The following FGF12 variants were observed in gnomAD, a reference collection of about 807,000 sequenced individuals.
The protein encoded by FGF12 is fibroblast growth factor 12B.
Under a neutral mutation model 23.6 loss-of-function variants are expected in FGF12, and 14 were observed. That is an observed-to-expected ratio of 0.59 (90% confidence interval 0.39 to 0.93). The LOEUF is 0.93. Ranked by LOEUF, FGF12 falls within the 40% of genes least tolerant of loss-of-function variation. The pLI is 0.00. For synonymous variants in FGF12, 62 were observed against 77.3 expected, an observed-to-expected ratio of 0.80 and a Z score of 1.04; for missense variants, 175 against 217.8, an observed-to-expected ratio of 0.80 and a Z score of 1.24.
chr3:192,433,417 T>C (rs1238661977), intron 2 of FGF12, among the ~76,000 whole-genome samples: 1 of 152,212 alleles, frequency 6.6e-6, no homozygotes, highest in Non-Finnish European at 1.5e-5. Context: ...TCAAATTACT[T>C]ACCAAGCAAA....
intron 2 of FGF12, among the ~76,000 whole-genome samples, chr3:192,488,224 A>G (rs1723695412): frequency 6.6e-6 from 1 of 152,162 alleles, no homozygotes; most frequent in African/African-American, 2.4e-5. Context: ...TATTGGTTCA[A>G]TACATAATCT....
At chr3:192,155,001 G>A (rs1240274209) in intron 5 of FGF12, among the ~76,000 whole-genome samples, 3 of 145,498 alleles carry the variant, frequency 2.1e-5, no homozygotes, top group Non-Finnish European at 4.6e-5. Context: ...GCCAGGTGTG[G>A]GATATAGTCT....
intron 3 of FGF12, among the ~76,000 whole-genome samples, chr3:192,338,435 C>G (rs1717525517): frequency 6.6e-6 from 1 of 152,178 alleles, no homozygotes; most frequent in Non-Finnish European, 1.5e-5. Flanking sequence ...ATCCTGCAAC[C>G]AGATGTAGGT....
chr3:192,321,012 T>C (rs999303094), intron 4 of FGF12, among the ~76,000 whole-genome samples: 5 of 151,898 alleles, frequency 3.3e-5, no homozygotes, highest in Non-Finnish European at 5.9e-5. Flanking sequence ...ATCAATGAAA[T>C]AAAATGTTGG....
chr3:192,726,751 G>A (rs1377159849), intron 2 of FGF12: 1 of 200,000 alleles, frequency 5.0e-6, no homozygotes, highest in Non-Finnish European at 1.0e-5. Flanking sequence ...TGGGGGTGGT[G>A]AAATTCAAAC....
At position 192,724,039 on chromosome 3, in the gene FGF12, G is replaced by C. The variant is rs538851113; in HGVS notation, c.13+3142C>G. Among the ~76,000 whole-genome samples, 10 of 143,828 alleles carry C rather than the reference G, an allele frequency of 7.0e-5. No homozygotes were observed. In the South Asian group the frequency reaches 1.9e-3, roughly 27 times the overall value. The allele number at this position is 143,828 out of a possible 152,430, so 94.4% of individuals were successfully genotyped here. A position where few individuals can be genotyped will look rare whatever the true frequency, so the allele number is the denominator to read the frequency against. On this transcript the variant is annotated intron_variant, in intron 2 of 5. Coordinates refer to ENST00000445105, the MANE Select transcript of FGF12 (RefSeq NM_004113.6). ...GGAAGGGAAAAGGGAGGGAGAAAGG[G>C]AGGAAGGGAAAGGGAGGGAAGAGGG... is the stretch of plus-strand genomic sequence containing the variant.
chr3:192,166,366 A>C (rs62295829), intron 5 of FGF12, among the ~76,000 whole-genome samples: 62,476 of 152,082 alleles, frequency 0.41, 14,572 homozygotes, highest in Non-Finnish European at 0.54. Flanking sequence ...AGGGGTAGGG[A>C]TATATTGCAG....
chr3:192,168,679 A>AT (rs1446542042), intron 5 of FGF12, among the ~76,000 whole-genome samples: 1 of 152,168 alleles, frequency 6.6e-6, no homozygotes, highest in Non-Finnish European at 1.5e-5. Context: ...ATTCATTCAC[A>AT]TGTTCACTTT....
intron 2 of FGF12, among the ~76,000 whole-genome samples, chr3:192,403,199 T>C (rs1560100897): frequency 6.6e-6 from 1 of 152,182 alleles, no homozygotes; most frequent in Non-Finnish European, 1.5e-5. Context: ...TAAAATACAA[T>C]TTTATGAGAC....
chr3:192,451,162 G>A (rs1722508893), intron 2 of FGF12, among the ~76,000 whole-genome samples: 1 of 152,178 alleles, frequency 6.6e-6, no homozygotes, highest in Non-Finnish European at 1.5e-5. Flanking sequence ...TACCCAAAGT[G>A]TAAACACAAT....
At chr3:192,548,006 C>G (rs1339918093) in intron 2 of FGF12, among the ~76,000 whole-genome samples, 1 of 152,064 alleles carries the variant, frequency 6.6e-6, no homozygotes, top group African/African-American at 2.4e-5. Context: ...AAAATGAAAC[C>G]AAGATTTAAA....
intron 4 of FGF12, chr3:192,238,232 AC>A (rs1421949552): frequency 6.6e-6 from 1 of 152,632 alleles, no homozygotes; most frequent in African/African-American, 2.4e-5. Context: ...TTCACTTGCA[AC>A]AACACTCTGG....
chr3:192,558,899 A>C (rs901061719), intron 2 of FGF12, among the ~76,000 whole-genome samples: 3 of 151,980 alleles, frequency 2.0e-5, no homozygotes. Flanking sequence ...GAATATCCAC[A>C]TCAAAATAAT....
chr3:192,375,422 A>G lies in FGF12; in HGVS notation c.14-14884T>C, dbSNP rs184135479. 4.8e-4 allele frequency among the ~76,000 whole-genome samples: 73 copies of G among 152,262 alleles called. 2 individuals carry two copies. In the East Asian group the frequency reaches 6.7e-3, roughly 14 times the overall value. The stretch of plus-strand genomic sequence containing the variant: ...TTCTGTCTCTATTATTTTAGTAGTA[A>G]TCCTTACATATCTAACATAAAGGTG... On this transcript the variant is annotated intron_variant, in intron 2 of 5. Transcript: ENST00000445105.
intron 2 of FGF12, among the ~76,000 whole-genome samples, chr3:192,557,574 C>A (rs1439978004): frequency 3.3e-5 from 5 of 151,804 alleles, no homozygotes; most frequent in African/African-American, 1.2e-4. Context: ...TATGAGGACA[C>A]CATTACCTTG....
intron 2 of FGF12, among the ~76,000 whole-genome samples, chr3:192,558,210 CAG>C (rs1442044533): frequency 1.3e-5 from 2 of 151,574 alleles, no homozygotes; most frequent in Non-Finnish European, 3.0e-5. Context: ...AACAGAAAAA[CAG>C]AGATAATAAA....
chr3:192,155,431 A>G (rs913876614), intron 5 of FGF12, among the ~76,000 whole-genome samples: 3 of 152,192 alleles, frequency 2.0e-5, no homozygotes, highest in Non-Finnish European at 4.4e-5. Flanking sequence ...TATAGGGCCC[A>G]CTGTTTATCT....
At chr3:192,388,216 G>A (rs1034891363) in intron 2 of FGF12, among the ~76,000 whole-genome samples, 6 of 151,870 alleles carry the variant, frequency 4.0e-5, no homozygotes, top group African/African-American at 7.3e-5. Context: ...AGCTGCGATC[G>A]GACTGTTGTT....
intron 2 of FGF12, among the ~76,000 whole-genome samples, chr3:192,707,722 A>G (rs58577337): frequency 0.015 from 2,142 of 145,044 alleles, 65 homozygotes; most frequent in African/African-American, 0.053. Context: ...CACTAGCCTG[A>G]CAACAAAGCG....
Sources: allele counts gnomAD v4.1 joint callset (sites outside exome capture counted in the v4.1 genomes callset), GRCh38; gene constraint gnomAD v4.1.1; transcripts MANE v1.5; gene names NCBI Gene and HGNC (gene_info 2026-07-23, HGNC 2026-07-21).